Variants in WASF3 observed in about 807,000 individuals in gnomAD.
WASF3 encodes the protein actin-binding protein WASF3.
Under a neutral mutation model 46.6 loss-of-function variants are expected in WASF3, and 11 were observed. The observed-to-expected ratio is 0.24, with a 90% CI of 0.15 to 0.39. The LOEUF (loss-of-function observed/expected upper bound fraction) is 0.39. Among genes scored for constraint, WASF3 ranks in the 10% least tolerant of loss-of-function variants. The pLI, the probability that WASF3 is intolerant of heterozygous loss-of-function variation, is 1.00. For synonymous variants in WASF3, 242 were observed against 259.7 expected (o/e 0.93, Z 0.65); for missense variants, 576 against 669.8 (o/e 0.86, Z 1.55).
chr13:26,680,605 T>G (rs932878629), intron 7 of WASF3, among the ~76,000 whole-genome samples: 5 of 152,272 alleles, frequency 3.3e-5, no homozygotes, highest in Non-Finnish European at 7.3e-5. Flanking sequence ...TCGATTTCTT[T>G]TCCTGTTCTT....
chr13:26,674,431 A>G (rs780373579), intron 6 of WASF3, among the ~76,000 whole-genome samples: 1 of 152,170 alleles, frequency 6.6e-6, no homozygotes, highest in Non-Finnish European at 1.5e-5. Context: ...TTCAAAGTAC[A>G]CACCCAATAC....
Position 26,659,681 on chromosome 13 carries a change from C to T in WASF3, c.134-5347C>T, listed in dbSNP as rs114400039. Among the ~76,000 whole-genome samples the T allele has an allele frequency of 3.7e-3, 568 of 152,152 alleles. 5 individuals are homozygous for T. The highest frequency in any genetic ancestry group is 0.013 in the African/African-American group (537 of 41,490). ...GTAGGATCAGGGCAGGTGGTGCGTGCAGAGCAGTCAGACCCTGGATATATT... is the reference window on the plus strand; with the variant it reads ...GTAGGATCAGGGCAGGTGGTGCGTGTAGAGCAGTCAGACCCTGGATATATT... On this transcript the variant is annotated intron_variant, in intron 3 of 9. Coordinates refer to ENST00000335327, the MANE Select transcript of WASF3 (RefSeq NM_006646.6).
rs985451771 is a variant in WASF3 at position 26,599,141 on chromosome 13, C to T, written c.-108-13820C>T. On this transcript the variant is annotated intron_variant, in intron 1 of 9. Coordinates refer to ENST00000335327, the MANE Select transcript of WASF3 (RefSeq NM_006646.6). ...TCTCCCAAAGTGCTGGGATTACAGG[C>T]GTCAGCCGCTGCGCCTGGCCTGCCC... Among the ~76,000 whole-genome samples the T allele has an allele frequency of 2.7e-5, 4 of 150,542 alleles. No individual in the cohort carries two copies. The South Asian group carries it at 6.3e-4, about 24-fold the overall frequency.
chr13:26,643,256 A>C (rs1231264671), intron 3 of WASF3, among the ~76,000 whole-genome samples: 1 of 152,070 alleles, frequency 6.6e-6, no homozygotes, highest in Non-Finnish European at 1.5e-5. Context: ...ACAGGTTTTC[A>C]CAGTTAAATT....
At chr13:26,596,076 C>A in intron 1 of WASF3, among the ~76,000 whole-genome samples, 1 of 146,548 alleles carries the variant, frequency 6.8e-6, no homozygotes. Flanking sequence ...AGTAGCTGTA[C>A]TATTTTACAT....
At chr13:26,541,558 C>T in the WASF3 span, among the ~76,000 whole-genome samples, 1 of 152,290 alleles carries the variant, frequency 6.6e-6, no homozygotes, top group African/African-American at 2.4e-5. Flanking sequence ...AGAAGGCAGG[C>T]AGGCCCTAGT....
At chr13:26,627,470 GTTCT>G (rs1881503618) in intron 2 of WASF3, among the ~76,000 whole-genome samples, 1 of 151,978 alleles carries the variant, frequency 6.6e-6, no homozygotes, top group Non-Finnish European at 1.5e-5. Flanking sequence ...TATCTATCTG[GTTCT>G]TTGTTTTGGT....
chr13:26,580,844 C>T (rs758751646), intron 1 of WASF3, among the ~76,000 whole-genome samples: 13 of 151,448 alleles, frequency 8.6e-5, no homozygotes, highest in African/African-American at 2.7e-4. Flanking sequence ...AGGTTGGTCT[C>T]GAGCTCCCGA....
At chr13:26,587,081 C>T (rs868591932) in intron 1 of WASF3, among the ~76,000 whole-genome samples, 8 of 112,398 alleles carry the variant, frequency 7.1e-5, no homozygotes, top group South Asian at 2.9e-4. Context: ...GTAGCCTGGG[C>T]GACAGATTAA....
the WASF3 span, among the ~76,000 whole-genome samples, chr13:26,551,791 G>T: frequency 6.6e-6 from 1 of 152,292 alleles, no homozygotes; most frequent in African/African-American, 2.4e-5. Context: ...CTGGTAGCTG[G>T]ATTATTTTTA....
At chr13:26,666,862 G>A (rs1361246141) in intron 4 of WASF3, among the ~76,000 whole-genome samples, 2 of 84,662 alleles carry the variant, frequency 2.4e-5, no homozygotes, top group African/African-American at 1.1e-4. Flanking sequence ...GAGCAAGACT[G>A]TCTCAAAAAA....
intron 5 of WASF3, among the ~76,000 whole-genome samples, chr13:26,669,780 C>T (rs1481038424): frequency 2.0e-5 from 3 of 152,188 alleles, no homozygotes; most frequent in Non-Finnish European, 2.9e-5. Flanking sequence ...TCCCAAAGTG[C>T]TGGGATCACA....
At chr13:26,557,118 G>A (rs1285067668), upstream of WASF3, among the ~76,000 whole-genome samples, 4 of 152,178 alleles carry the variant, frequency 2.6e-5, no homozygotes, top group Non-Finnish European at 5.9e-5. Flanking sequence ...ATCTAGGGTG[G>A]AGAGAGATTG....
chr13:26,642,955 A>G (rs1260092624), intron 3 of WASF3, among the ~76,000 whole-genome samples: 1 of 152,178 alleles, frequency 6.6e-6, no homozygotes, highest in Non-Finnish European at 1.5e-5. Context: ...AGGTGAACAG[A>G]TCAGCTGGTT....
intron 1 of WASF3, among the ~76,000 whole-genome samples, chr13:26,601,049 CA>C: frequency 6.6e-6 from 1 of 152,260 alleles, no homozygotes; most frequent in Admixed American, 6.5e-5. Flanking sequence ...AGTGTATTTT[CA>C]GCACTTTTAG....
At chr13:26,581,333 A>G (rs552221122) in intron 1 of WASF3, among the ~76,000 whole-genome samples, 15 of 152,306 alleles carry the variant, frequency 9.8e-5, no homozygotes, top group African/African-American at 3.6e-4. Flanking sequence ...TAAGTTGAAT[A>G]GAATTTGATT....
intron 1 of WASF3, among the ~76,000 whole-genome samples, chr13:26,562,695 T>C (rs564052178): frequency 2.6e-5 from 4 of 151,878 alleles, no homozygotes; most frequent in Admixed American, 1.3e-4. Context: ...TGAATGATCT[T>C]GGTGAGGAGT....
intron 1 of WASF3, among the ~76,000 whole-genome samples, chr13:26,602,409 T>G (rs1478355497): frequency 6.6e-6 from 1 of 152,152 alleles, no homozygotes; most frequent in Non-Finnish European, 1.5e-5. Flanking sequence ...TTTTGTTCGT[T>G]TGTATCTTCT....
chr13:26,548,747 T>C, the WASF3 span, among the ~76,000 whole-genome samples: 1 of 152,100 alleles, frequency 6.6e-6, no homozygotes, highest in East Asian at 1.9e-4. Context: ...TCTCCAGCAT[T>C]CCCCCAACTC....
Sources: gnomAD v4.1 joint callset for allele counts (sites outside exome capture counted in the v4.1 genomes callset) on GRCh38, gnomAD v4.1.1 for gene constraint, MANE v1.5 for transcripts, NCBI Gene and HGNC (gene_info 2026-07-23, HGNC 2026-07-21) for gene names.